The following CCSER1 variants were observed in gnomAD, a reference collection of about 807,000 sequenced individuals.
CCSER1 encodes the protein coiled-coil serine rich protein 1, also known as serine-rich coiled-coil domain-containing protein 1.
A neutral mutation model predicts 82.0 loss-of-function variants in CCSER1; 41 were observed. That is an observed-to-expected ratio of 0.50 (90% confidence interval 0.39 to 0.65). The LOEUF (loss-of-function observed/expected upper bound fraction) is 0.65, where lower values mean the gene tolerates loss of function less well. Ranked by LOEUF, CCSER1 falls within the 30% of genes least tolerant of loss-of-function variation. CCSER1 has a pLI of 0.00. For synonymous variants in CCSER1, 414 were observed against 383.9 expected, an observed-to-expected ratio of 1.08 and a Z score of -0.92; for missense variants, 1,119 against 1,064.2, an observed-to-expected ratio of 1.05 and a Z score of -0.72.
At chr4:90,350,267 A>G (rs562675068) in intron 3 of CCSER1, among the ~76,000 whole-genome samples, 35 of 152,224 alleles carry the variant, frequency 2.3e-4, no homozygotes, top group African/African-American at 7.7e-4. Context: ...GTGCAGGTAA[A>G]CCCAGCAGAT....
intron 3 of CCSER1, among the ~76,000 whole-genome samples, chr4:90,325,051 C>T (rs1737891121): frequency 6.6e-6 from 1 of 152,114 alleles, no homozygotes; most frequent in Non-Finnish European, 1.5e-5. Context: ...GGTACCTATC[C>T]TCTTTAATGC....
At chr4:90,859,284 A>T (rs1052412867) in intron 8 of CCSER1, among the ~76,000 whole-genome samples, 3 of 151,924 alleles carry the variant, frequency 2.0e-5, no homozygotes, top group African/African-American at 7.2e-5. Context: ...AATAAAGTTT[A>T]TGAATTTCAC....
chr4:90,606,861 T>A (rs750471854), intron 5 of CCSER1, among the ~76,000 whole-genome samples: 2 of 152,204 alleles, frequency 1.3e-5, no homozygotes, highest in Admixed American at 6.5e-5. Flanking sequence ...AATGTATAAA[T>A]ATTAATGTTG....
intron 10 of CCSER1, among the ~76,000 whole-genome samples, chr4:91,535,548 G>A (rs745406157): frequency 1.3e-5 from 2 of 152,096 alleles, no homozygotes; most frequent in Non-Finnish European, 2.9e-5. Flanking sequence ...GCAGTTGGAT[G>A]TCTTTTGGGA....
At chr4:91,268,906 G>T (rs540649181) in intron 10 of CCSER1, among the ~76,000 whole-genome samples, 73 of 152,286 alleles carry the variant, frequency 4.8e-4, no homozygotes, top group Non-Finnish European at 9.4e-4. Flanking sequence ...TTCTTCACTT[G>T]CTTCAGGCCA....
chr4:91,332,891 C>T (rs1747054859), intron 10 of CCSER1, among the ~76,000 whole-genome samples: 1 of 151,938 alleles, frequency 6.6e-6, no homozygotes, highest in Non-Finnish European at 1.5e-5. Flanking sequence ...CATTCTGCCC[C>T]ATTAAAAATG....
chr4:90,343,733 A>G (rs1006914237), intron 3 of CCSER1, among the ~76,000 whole-genome samples: 1 of 152,104 alleles, frequency 6.6e-6, no homozygotes, highest in Non-Finnish European at 1.5e-5. Context: ...CTTTTCTGCA[A>G]TTTATTTTAT....
chr4:91,148,630 C>G (rs561996340), intron 10 of CCSER1, among the ~76,000 whole-genome samples: 23 of 152,204 alleles, frequency 1.5e-4, no homozygotes, highest in Admixed American at 2.6e-4. Flanking sequence ...GCTATCCATC[C>G]CCCATCCCAC....
intron 3 of CCSER1, among the ~76,000 whole-genome samples, chr4:90,365,983 G>A (rs542469409): frequency 1.1e-4 from 16 of 151,060 alleles, no homozygotes; most frequent in East Asian, 7.8e-4. Flanking sequence ...ATTTTTTTTC[G>A]TAGTAGCCAT....
chr4:91,266,719 A>G (rs1192740021), intron 10 of CCSER1, among the ~76,000 whole-genome samples: 1 of 152,198 alleles, frequency 6.6e-6, no homozygotes, highest in East Asian at 1.9e-4. Context: ...ACATATGGAA[A>G]TATATTATTA....
intron 8 of CCSER1, among the ~76,000 whole-genome samples, chr4:90,915,091 G>T (rs1727111288): frequency 6.6e-6 from 1 of 152,198 alleles, no homozygotes; most frequent in South Asian, 2.1e-4. Context: ...GAGGTACAAG[G>T]AGGAGCTGGT....
At chr4:90,962,029 T>C (rs1734100901) in intron 9 of CCSER1, among the ~76,000 whole-genome samples, 1 of 152,252 alleles carries the variant, frequency 6.6e-6, no homozygotes, top group Non-Finnish European at 1.5e-5. Context: ...ACTTTTTCTA[T>C]GTTAATGAGA....
chr4:91,542,596 G>A lies in CCSER1; in HGVS notation c.2218-55976G>A, dbSNP rs573005638. Among the ~76,000 whole-genome samples the A allele has an allele frequency of 2.9e-4, 44 of 152,180 alleles. 1 individual carries two copies. The South Asian group carries it at 4.6e-3, about 16-fold the overall frequency. On this transcript the variant is annotated intron_variant, in intron 10 of 10. Coordinates refer to ENST00000509176, the MANE Select transcript of CCSER1 (RefSeq NM_001145065.2). ...TTTAAGAGCAGGTTGTTCAGTTTCC[G>A]TATAGTTGAGTGGTTTTGAGTGAGT...
intron 10 of CCSER1, among the ~76,000 whole-genome samples, chr4:91,088,234 A>G (rs1723576877): frequency 6.6e-6 from 1 of 152,124 alleles, no homozygotes; most frequent in Admixed American, 6.5e-5. Flanking sequence ...TGATGAATTA[A>G]TTTCTTAGTT....
At chr4:91,130,493 A>T (rs17018057) in intron 10 of CCSER1, among the ~76,000 whole-genome samples, 74,970 of 151,618 alleles carry the variant, frequency 0.49, 18,731 homozygotes, top group East Asian at 0.68. Flanking sequence ...TCACCACTAT[A>T]CTTTGTAGTT....
At chr4:90,606,459 G>A (rs1201502897) in intron 5 of CCSER1, among the ~76,000 whole-genome samples, 1 of 152,138 alleles carries the variant, frequency 6.6e-6, no homozygotes. Context: ...GAGGCAGCTC[G>A]TTTATAATCT....
chr4:91,213,951 T>G lies in CCSER1; in HGVS notation c.2217+127957T>G, dbSNP rs542126158. Among the ~76,000 whole-genome samples, 18 of 152,292 alleles carry G rather than the reference T, an allele frequency of 1.2e-4. No individual in the cohort carries two copies. In the South Asian group the frequency reaches 1.2e-3, roughly 11 times the overall value. On this transcript the variant is annotated intron_variant, in intron 10 of 10. Transcript: ENST00000509176. ...AACAACATTCCTATATTTATGGAAA[T>G]GCCAGACAAGTTTTGTCTGTTTGGG...
chr4:91,496,834 A>ATTCAATATATAT (rs1287541077), intron 10 of CCSER1, among the ~76,000 whole-genome samples: 1 of 56,272 alleles, frequency 1.8e-5, no homozygotes, highest in Admixed American at 1.9e-4. Flanking sequence ...TTGAATATAT[A>ATTCAATATATAT]TTGAATATAT....
chr4:90,151,699 T>A (rs755561101), intron 1 of CCSER1, among the ~76,000 whole-genome samples: 1 of 152,148 alleles, frequency 6.6e-6, no homozygotes, highest in Non-Finnish European at 1.5e-5. Context: ...TAATTCAGTC[T>A]AGGAGATCAT....
Sources: gnomAD v4.1 joint callset for allele counts (sites outside exome capture counted in the v4.1 genomes callset) on GRCh38, gnomAD v4.1.1 for gene constraint, MANE v1.5 for transcripts, NCBI Gene and HGNC (gene_info 2026-07-23, HGNC 2026-07-21) for gene names.